The following DNAJC10 variants were observed in gnomAD, a reference collection of about 807,000 sequenced individuals.
DNAJC10 encodes endoplasmic reticulum disulfide reductase DNAJC10.
A neutral mutation model predicts 115.0 loss-of-function variants in DNAJC10; 101 were observed. The ratio of observed to expected loss-of-function variants is 0.88; its 90% CI spans 0.75 to 1.04. DNAJC10 has a LOEUF of 1.04. DNAJC10 is among the 50% of genes least tolerant of loss of function. DNAJC10 has a pLI of 0.00. For synonymous variants in DNAJC10, 307 were observed against 301.5 expected (o/e 1.02, Z -0.19); for missense variants, 981 against 928.8 (o/e 1.06, Z -0.73).
At chr2:182,743,250 A>G (rs908473422) in intron 13 of DNAJC10, among the ~76,000 whole-genome samples, 2 of 152,230 alleles carry the variant, frequency 1.3e-5, no homozygotes, top group Admixed American at 1.3e-4. Flanking sequence ...CTCTTTGAAA[A>G]CATCACTTTT....
At position 182,717,866 on chromosome 2, in the gene DNAJC10, T is replaced by C. The variant is rs929614362; in HGVS notation, c.-146-75T>C. ...TTAATGGAGATTGTATTGCTGACCA[T>C]GTTCTGTGATAAATAAATTGTGCTA... On this transcript the variant is annotated intron_variant, in intron 2 of 23. Coordinates refer to ENST00000264065, the MANE Select transcript of DNAJC10 (RefSeq NM_018981.4). 1.3e-5 allele frequency: 5 copies of C among 375,832 alleles called. No homozygotes were observed. The South Asian group carries it at 2.9e-4, about 22-fold the overall frequency. 23.3% of individuals were successfully genotyped at this position (375,832 alleles called of 1,614,324 possible).
rs998015366 is a variant in DNAJC10 at position 182,789,637 on chromosome 2, A to T, written c.*12505A>T. 65 of 152,364 alleles carry T rather than the reference A, an allele frequency of 4.3e-4. No individual in the cohort carries two copies. The highest frequency in any genetic ancestry group is 1.4e-3 in the African/African-American group (59 of 41,572). The allele number at this position is 152,364 out of a possible 1,614,324, so 9.4% of individuals were successfully genotyped here. On this transcript the variant is annotated 3_prime_UTR_variant, in exon 24 of 24. Transcript: ENST00000264065. Reference sequence around the variant, plus strand: ...TGGCCATTGCAAATAATGCTGCTATAAACATGGGTGTACAAATATCAGAAA... The same window carrying T: ...TGGCCATTGCAAATAATGCTGCTATTAACATGGGTGTACAAATATCAGAAA...
chr2:182,793,258 GAGAGAA>G lies in DNAJC10; in HGVS notation c.*16129_*16134del, dbSNP rs1695084962. 6.6e-6 allele frequency: 1 copy of G among 152,264 alleles called. No individual in the cohort carries two copies. The highest frequency in any genetic ancestry group is 6.6e-5 in the Admixed American group (1 of 15,254). 9.4% of individuals were successfully genotyped at this position (152,264 alleles called of 1,614,324 possible). A position where few individuals can be genotyped will look rare whatever the true frequency, so the allele number is the denominator to read the frequency against. On this transcript the variant is annotated 3_prime_UTR_variant, in exon 24 of 24. Coordinates refer to ENST00000264065, the MANE Select transcript of DNAJC10 (RefSeq NM_018981.4). ...AGGAGAGAAGATGAAGTTAGAGGGA[GAGAGAA>G]AGTGGGGAGCCAGATCATAGAGGGC...
At chr2:182,739,769 T>A (rs1393492528) in intron 11 of DNAJC10, 1 of 999,976 alleles carries the variant, frequency 1.0e-6, no homozygotes. Context: ...TGAAAACCTC[T>A]ATAATGAGCA....
Position 182,732,511 on chromosome 2 carries a change from C to G in DNAJC10, c.818C>G (p.Ser273Ter), listed in dbSNP as rs756306511. 23 of 1,613,298 alleles carry G rather than the reference C, an allele frequency of 1.4e-5. No homozygotes were observed. The South Asian group carries it at 2.5e-4, about 18-fold the overall frequency. The change falls in exon 10 of 24, where the codon TCA (serine) becomes TGA (stop). Residue 273 changes from serine (S) to a stop codon, truncating the protein, a stop_gained. Coordinates refer to ENST00000264065, the MANE Select transcript of DNAJC10 (RefSeq NM_018981.4). LOFTEE classifies it high-confidence loss of function. The stretch of plus-strand genomic sequence containing the variant: ...TTTTTGTCCCCAGATTGTTTGACTT[C>G]ACAGACACGACTCAGGCTTAGTGGC... ...FCSKGGDCLT[S>*]QTRLRLSGML...
intron 10 of DNAJC10, among the ~76,000 whole-genome samples, chr2:182,734,465 G>T (rs1449192817): frequency 6.6e-6 from 1 of 151,474 alleles, no homozygotes; most frequent in African/African-American, 2.4e-5. Flanking sequence ...TTTTTAAGTT[G>T]TTAAGCCTTG....
chr2:182,733,978 A>T (rs1352343936), intron 10 of DNAJC10, among the ~76,000 whole-genome samples: 1 of 150,502 alleles, frequency 6.6e-6, no homozygotes, highest in Admixed American at 6.6e-5. Flanking sequence ...TTACTTTCTG[A>T]TCATATTTTG....
rs1455071785 is a variant in DNAJC10, at chr2:182,782,495, A to G, written c.*5363A>G. The G allele has an allele frequency of 2.0e-5, 3 of 151,804 alleles. No homozygotes were observed. Among genetic ancestry groups the G allele is most frequent in the African/African-American group, 2.4e-5 (1 of 41,124 alleles). The allele number at this position is 151,804 out of a possible 1,614,324, so 9.4% of individuals were successfully genotyped here. On this transcript the variant is annotated 3_prime_UTR_variant, in exon 24 of 24. Transcript: ENST00000264065. ...GCTTGATGGGAATAGCATTGAATCT[A>G]TAAATTACTTTGGGCAGTATGACTA...
intron 21 of DNAJC10, 27 bp downstream of exon 21, chr2:182,759,334 TG>T: frequency 6.3e-7 from 1 of 1,579,206 alleles, no homozygotes; most frequent in Middle Eastern, 1.7e-4. Context: ...TTAAATAAGT[TG>T]TAGCCACATT....
rs547868227 is a variant in DNAJC10 at position 182,735,296 on chromosome 2, C to A, written c.850-953C>A. Among the ~76,000 whole-genome samples the A allele has an allele frequency of 3.9e-5, 6 of 151,920 alleles. No individual in the cohort carries two copies. The South Asian group carries it at 1.2e-3, about 32-fold the overall frequency. On this transcript the variant is annotated intron_variant, in intron 10 of 23. Transcript: ENST00000264065. ...CTAAACAGAAATTATTTTACTACCT[C>A]TGAAACTTTGCTGTTATGTATTCTA...
intron 16 of DNAJC10, among the ~76,000 whole-genome samples, chr2:182,754,003 T>A (rs2105673059): frequency 6.6e-6 from 1 of 152,324 alleles, no homozygotes; most frequent in Non-Finnish European, 1.5e-5. Context: ...TACTCACCAA[T>A]TAGTTGCCAC....
intron 22 of DNAJC10, among the ~76,000 whole-genome samples, chr2:182,764,002 G>A (rs1177286115): frequency 1.3e-5 from 2 of 152,168 alleles, no homozygotes; most frequent in Non-Finnish European, 2.9e-5. Flanking sequence ...TGTAGTTGCT[G>A]TGACTATTCT....
chr2:182,789,177 T>C lies in DNAJC10; in HGVS notation c.*12045T>C. 5.5e-6 allele frequency: 1 copy of C among 180,538 alleles called. No homozygotes were observed. Among genetic ancestry groups the C allele is most frequent in the South Asian group, 1.1e-4 (1 of 8,888 alleles). The allele number at this position is 180,538 out of a possible 1,614,324, so 11.2% of individuals were successfully genotyped here. A position where few individuals can be genotyped will look rare whatever the true frequency, so the allele number is the denominator to read the frequency against. On this transcript the variant is annotated 3_prime_UTR_variant, in exon 24 of 24. Coordinates refer to ENST00000264065, the MANE Select transcript of DNAJC10 (RefSeq NM_018981.4). ...ATTTATCTTTTTGTGATTCCTTATT[T>C]TACTTAGCGTAAGTCCTCGAGACTC...
rs1693398754 is a variant in DNAJC10, at chr2:182,729,911, G to A, written c.697G>A (p.Val233Ile). ...TTTAGTGAGTTTTGCAATGCAGCAT[G>A]TTAGAAGTACAGTGACAGAACTTTG... ...ESLVSFAMQH[V>I]RSTVTELWTG... Residue 233 changes from valine to isoleucine, a missense_variant, in exon 8 of 24, where the codon GTT becomes ATT. Physicochemically the swap from Val to Ile is conservative, Grantham distance 29 (BLOSUM62 3). Transcript: ENST00000264065. 3 of 1,609,346 alleles carry A rather than the reference G, an allele frequency of 1.9e-6. No individual in the cohort carries two copies. The highest frequency in any genetic ancestry group is 4.5e-5 in the East Asian group (2 of 44,504).
intron 13 of DNAJC10, among the ~76,000 whole-genome samples, chr2:182,741,748 G>A (rs971455155): frequency 3.3e-5 from 5 of 151,976 alleles, no homozygotes; most frequent in African/African-American, 1.2e-4. Context: ...TCTTAACATT[G>A]TTCATAACCC....
intron 14 of DNAJC10, among the ~76,000 whole-genome samples, chr2:182,747,857 G>A (rs1284498945): frequency 4.0e-5 from 6 of 150,572 alleles, no homozygotes; most frequent in Non-Finnish European, 5.9e-5. Flanking sequence ...TATGATATTG[G>A]CTGTGGGTTT....
intron 21 of DNAJC10, among the ~76,000 whole-genome samples, chr2:182,762,318 C>T (rs1005881366): frequency 1.3e-5 from 2 of 151,960 alleles, no homozygotes; most frequent in Non-Finnish European, 2.9e-5. Flanking sequence ...CTTCACGAGA[C>T]AAAGAGTGCC....
intron 11 of DNAJC10, chr2:182,739,599 T>C (rs1223150230): frequency 8.4e-7 from 1 of 1,188,526 alleles, no homozygotes; most frequent in African/African-American, 1.6e-5. Flanking sequence ...TGACAAAATA[T>C]GCTGAGGATA....
chr2:182,725,398 A>C (rs748223788), intron 5 of DNAJC10, among the ~76,000 whole-genome samples: 4 of 152,208 alleles, frequency 2.6e-5, no homozygotes, highest in Non-Finnish European at 5.9e-5. Flanking sequence ...TCAAAACCCA[A>C]GACAGGCTAA....
Sources: allele counts gnomAD v4.1 joint callset (sites outside exome capture counted in the v4.1 genomes callset), GRCh38; gene constraint gnomAD v4.1.1; transcripts MANE v1.5; gene names NCBI Gene and HGNC (gene_info 2026-07-23, HGNC 2026-07-21).